Variants in RAB21 observed in about 807,000 individuals in gnomAD.
RAB21 encodes the protein RAB21, member RAS oncogene family.
RAB21 carries 13 observed loss-of-function variants against 33.1 expected under a neutral mutation model. The observed-to-expected ratio is 0.39, with a 90% confidence interval of 0.26 to 0.62. RAB21 has a LOEUF of 0.62. Ranked by LOEUF, RAB21 falls within the 20% of genes least tolerant of loss-of-function variation. RAB21 has a pLI of 0.48. For synonymous variants in RAB21, 91 were observed against 103.7 expected, an observed-to-expected ratio of 0.88 and a Z score of 0.74; for missense variants, 234 against 279.1, an observed-to-expected ratio of 0.84 and a Z score of 1.15.
chr12:71,787,460 T>TA lies in RAB21; in HGVS notation c.*1788dup, dbSNP rs751050553. ...TGGAATGGCCCCTGGATTTACTTCT[T>TA]ATAAGAAGCAGTAGTATGTAATAAA... On this transcript the variant is annotated 3_prime_UTR_variant, in exon 7 of 7. Transcript: ENST00000261263. 1 of 152,192 alleles carries TA rather than the reference T, an allele frequency of 6.6e-6. No homozygotes were observed. The highest frequency in any genetic ancestry group is 1.5e-5 in the Non-Finnish European group (1 of 68,028). The allele number at this position is 152,192 out of a possible 1,614,324, so 9.4% of individuals were successfully genotyped here.
Position 71,782,016 on chromosome 12 carries a change from C to T in RAB21, c.392-15C>T, listed in dbSNP as rs565198578. 3.2e-6 allele frequency: 5 copies of T among 1,564,010 alleles called. No individual in the cohort carries two copies. In the African/African-American group the frequency reaches 6.8e-5, roughly 21 times the overall value. ...AAATCAGTATAAAGATAAATATTTACTTTTTTCAAAATAGGTAATAAAATA... is the reference window on the plus strand; with the variant it reads ...AAATCAGTATAAAGATAAATATTTATTTTTTTCAAAATAGGTAATAAAATA... On this transcript the variant is annotated splice_polypyrimidine_tract_variant and intron_variant, in intron 4 of 6. Transcript: ENST00000261263.
At position 71,795,020 on chromosome 12, in the gene RAB21, TG is replaced by T. The variant is rs1206974491; in HGVS notation, c.*9348del. ...GTGTAAGCAATTCTCATCTGTGGAA[TG>T]TTTGACAGGGATAAGATTATTGAAA... On this transcript the variant is annotated 3_prime_UTR_variant, in exon 7 of 7. Transcript: ENST00000261263. The T allele has an allele frequency of 6.6e-6, 1 of 152,064 alleles. No individual in the cohort carries two copies. The highest frequency in any genetic ancestry group is 1.5e-5 in the Non-Finnish European group (1 of 68,000). 9.4% of individuals were successfully genotyped at this position (152,064 alleles called of 1,614,324 possible). A position where few individuals can be genotyped will look rare whatever the true frequency, so the allele number is the denominator to read the frequency against.
chr12:71,757,667 AT>A (rs965999134), intron 1 of RAB21, among the ~76,000 whole-genome samples: 34 of 152,198 alleles, frequency 2.2e-4, no homozygotes, highest in Non-Finnish European at 3.5e-4. Flanking sequence ...TTTCTTAACA[AT>A]TTTTCAGAGG....
rs1053347859 is a variant in RAB21 at position 71,785,849 on chromosome 12, G to A, written c.*176G>A. 3.3e-6 allele frequency: 2 copies of A among 602,660 alleles called. No homozygotes were observed. The highest frequency in any genetic ancestry group is 3.9e-5 in the African/African-American group (2 of 51,298). 37.3% of individuals were successfully genotyped at this position (602,660 alleles called of 1,614,324 possible). Reference sequence around the variant, plus strand: ...TTAAGTGCTAAACTTAGTGGAGTTTGTGACCAGAGAATTGGCATTTTCTAC... The same window carrying A: ...TTAAGTGCTAAACTTAGTGGAGTTTATGACCAGAGAATTGGCATTTTCTAC... On this transcript the variant is annotated 3_prime_UTR_variant, in exon 7 of 7. Transcript: ENST00000261263.
Position 71,763,569 on chromosome 12 carries a change from G to A in RAB21, c.160-6231G>A, listed in dbSNP as rs115078083. On this transcript the variant is annotated intron_variant, in intron 1 of 6. Transcript: ENST00000261263. Reference sequence around the variant, plus strand: ...GCTGTTGGATAAACAAGAATCAGGTGTTAATACAAGTTACAGATGACAACA... The same window carrying A: ...GCTGTTGGATAAACAAGAATCAGGTATTAATACAAGTTACAGATGACAACA... Among the ~76,000 whole-genome samples the A allele has an allele frequency of 5.7e-3, 868 of 152,028 alleles. 6 individuals carry two copies. The highest frequency in any genetic ancestry group is 0.019 in the African/African-American group (800 of 41,472).
chr12:71,781,094 A>C (rs1883191701), intron 4 of RAB21, among the ~76,000 whole-genome samples: 1 of 152,064 alleles, frequency 6.6e-6, no homozygotes, highest in South Asian at 2.1e-4. Flanking sequence ...GTTTAAGGAG[A>C]GCTAAACTTA....
chr12:71,782,229 A>C, intron 5 of RAB21, 144 bp downstream of exon 5: 1 of 808,724 alleles, frequency 1.2e-6, no homozygotes, highest in Admixed American at 2.8e-5. Context: ...TTACATGGTA[A>C]TTTCTGGGCT....
At chr12:71,767,651 G>A (rs983743883) in intron 1 of RAB21, among the ~76,000 whole-genome samples, 5 of 152,108 alleles carry the variant, frequency 3.3e-5, no homozygotes, top group Non-Finnish European at 7.4e-5. Context: ...GTGAAGACAA[G>A]GCTTGGTAGA....
At chr12:71,772,237 T>TA (rs1294658080) in intron 3 of RAB21, among the ~76,000 whole-genome samples, 59 of 152,288 alleles carry the variant, frequency 3.9e-4, no homozygotes, top group African/African-American at 1.4e-3. Flanking sequence ...TGGTGTGTTA[T>TA]CATCCAGTAC....
At chr12:71,757,759 T>C (rs187609067) in intron 1 of RAB21, among the ~76,000 whole-genome samples, 1 of 152,232 alleles carries the variant, frequency 6.6e-6, no homozygotes, top group Non-Finnish European at 1.5e-5. Context: ...TCAGAAGATA[T>C]GAGAGGAAGA....
chr12:71,769,408 A>G (rs546982244), intron 1 of RAB21, among the ~76,000 whole-genome samples: 1 of 152,328 alleles, frequency 6.6e-6, no homozygotes, highest in Non-Finnish European at 1.5e-5. Context: ...TTTGAATAAT[A>G]TTGATATTTG....
rs1883285446 is a variant in RAB21 at position 71,786,040 on chromosome 12, T to TATA, written c.*368_*370dup. 6.3e-6 allele frequency: 1 copy of TATA among 159,826 alleles called. No individual in the cohort carries two copies. Among genetic ancestry groups the TATA allele is most frequent in the East Asian group, 1.8e-4 (1 of 5,496 alleles). The allele number at this position is 159,826 out of a possible 1,614,324, so 9.9% of individuals were successfully genotyped here. On this transcript the variant is annotated 3_prime_UTR_variant, in exon 7 of 7. Transcript: ENST00000261263. ...CCTCAGCCTCCCGAGTAGCTGGGAC[T>TATA]ATAGGCGCCCACCACGACGCCCGGC... is the stretch of plus-strand genomic sequence containing the variant.
chr12:71,795,393 T>C lies in RAB21; in HGVS notation c.*9720T>C, dbSNP rs1240786481. 7.1e-6 allele frequency: 1 copy of C among 139,960 alleles called. No individual in the cohort carries two copies. The highest frequency in any genetic ancestry group is 1.5e-5 in the Non-Finnish European group (1 of 66,366). 8.7% of individuals were successfully genotyped at this position (139,960 alleles called of 1,614,324 possible). ...TTAATAAAATGGAGAAATTTGGGAATGTCCCTAGCGTAATAATGCCTTCTA... is the reference window on the plus strand; with the variant it reads ...TTAATAAAATGGAGAAATTTGGGAACGTCCCTAGCGTAATAATGCCTTCTA... On this transcript the variant is annotated 3_prime_UTR_variant, in exon 7 of 7. Coordinates refer to ENST00000261263, the MANE Select transcript of RAB21 (RefSeq NM_014999.4).
intron 1 of RAB21, among the ~76,000 whole-genome samples, chr12:71,767,727 A>G (rs1313856551): frequency 6.6e-6 from 1 of 152,216 alleles, no homozygotes; most frequent in Non-Finnish European, 1.5e-5. Flanking sequence ...CTTCAATGAG[A>G]AGGCGAATGT....
In RAB21 at chr12:71,796,865, A is replaced by G. The variant is rs1376186895; in HGVS notation, c.*11192A>G. On this transcript the variant is annotated 3_prime_UTR_variant, in exon 7 of 7. Coordinates refer to ENST00000261263, the MANE Select transcript of RAB21 (RefSeq NM_014999.4). ...GCTAAAAAGCCTGTTTCGTTCGGAA[A>G]AAAAAGTACATAACATTTTAAAGAT... The G allele has an allele frequency of 6.6e-6, 1 of 152,234 alleles. No homozygotes were observed. Among genetic ancestry groups the G allele is most frequent in the African/African-American group, 2.4e-5 (1 of 41,466 alleles). 9.4% of individuals were successfully genotyped at this position (152,234 alleles called of 1,614,324 possible). A position where few individuals can be genotyped will look rare whatever the true frequency, so the allele number is the denominator to read the frequency against.
rs1592655837 is a variant in RAB21, at chr12:71,797,363, A to G, written c.*11690A>G. ...TAAAAACAACAGCCAGTTAGAAGAT[A>G]TAATAGAAGAAAAGGCCCCATTTAA... On this transcript the variant is annotated 3_prime_UTR_variant, in exon 7 of 7. Coordinates refer to ENST00000261263, the MANE Select transcript of RAB21 (RefSeq NM_014999.4). 6.6e-6 allele frequency: 1 copy of G among 152,256 alleles called. No individual in the cohort carries two copies. The highest frequency in any genetic ancestry group is 1.9e-4 in the East Asian group (1 of 5,178). The allele number at this position is 152,256 out of a possible 1,614,324, so 9.4% of individuals were successfully genotyped here.
intron 1 of RAB21, among the ~76,000 whole-genome samples, chr12:71,763,137 T>A (rs1296542280): frequency 2.0e-5 from 3 of 148,980 alleles, no homozygotes; most frequent in Non-Finnish European, 4.4e-5. Context: ...ACAATCTTAC[T>A]ATCTTACTCA....
chr12:71,781,361 C>T (rs1048125824), intron 4 of RAB21, among the ~76,000 whole-genome samples: 1 of 151,426 alleles, frequency 6.6e-6, no homozygotes, highest in Non-Finnish European at 1.5e-5. Flanking sequence ...CCCAGCTACT[C>T]AGGAGGCTGA....
At chr12:71,783,460 G>GTA (rs1281057435) in intron 6 of RAB21, among the ~76,000 whole-genome samples, 16 of 150,964 alleles carry the variant, frequency 1.1e-4, no homozygotes, top group African/African-American at 3.6e-4. Flanking sequence ...GTGTGTGTGT[G>GTA]TACACACACA....
Sources: allele counts gnomAD v4.1 joint callset (sites outside exome capture counted in the v4.1 genomes callset), GRCh38; gene constraint gnomAD v4.1.1; transcripts MANE v1.5; gene names NCBI Gene and HGNC (gene_info 2026-07-23, HGNC 2026-07-21).